NRG3: variants seen among roughly 807,000 people sequenced by gnomAD.
The protein encoded by NRG3 is pro-neuregulin-3, membrane-bound isoform.
A neutral mutation model predicts 66.9 loss-of-function variants in NRG3; 31 were observed. The observed-to-expected ratio is 0.46, with a 90% CI of 0.35 to 0.63. The LOEUF is 0.63. Among genes scored for constraint, NRG3 ranks in the 20% least tolerant of loss-of-function variants. The pLI is 0.00. For missense variants in NRG3, 910 were observed against 878.9 expected (o/e 1.04, Z -0.45); for synonymous variants, 393 against 359.4 (o/e 1.09, Z -1.06).
intron 1 of NRG3, among the ~76,000 whole-genome samples, chr10:82,117,090 A>G (rs528587741): frequency 3.9e-5 from 6 of 152,024 alleles, no homozygotes; most frequent in Non-Finnish European, 7.4e-5. Flanking sequence ...TCCACCTTAG[A>G]TGGCCGATAG....
chr10:82,064,585 A>G (rs1447027343), intron 1 of NRG3, among the ~76,000 whole-genome samples: 2 of 152,182 alleles, frequency 1.3e-5, no homozygotes, highest in African/African-American at 4.8e-5. Context: ...TGATGGATAA[A>G]TGTAAAGCTA....
intron 1 of NRG3, among the ~76,000 whole-genome samples, chr10:82,000,229 A>G (rs952497960): frequency 1.3e-5 from 2 of 152,242 alleles, no homozygotes; most frequent in Non-Finnish European, 2.9e-5. Context: ...ATAGAAAAAG[A>G]TTGTATATAC....
At chr10:81,893,960 G>A (rs1043219753) in intron 1 of NRG3, among the ~76,000 whole-genome samples, 3 of 152,160 alleles carry the variant, frequency 2.0e-5, no homozygotes, top group African/African-American at 4.8e-5. Context: ...GTCACATGGA[G>A]TCCCCAGGTA....
intron 3 of NRG3, among the ~76,000 whole-genome samples, chr10:82,820,246 G>T (rs1048611073): frequency 6.6e-6 from 1 of 152,162 alleles, no homozygotes; most frequent in African/African-American, 2.4e-5. Context: ...TTAACACTTA[G>T]CTGTCCCATC....
intron 2 of NRG3, among the ~76,000 whole-genome samples, chr10:82,534,023 C>CAATAG (rs1847567252): frequency 6.6e-6 from 1 of 151,996 alleles, no homozygotes; most frequent in African/African-American, 2.4e-5. Flanking sequence ...AAACCATTTA[C>CAATAG]AATAGCACAA....
chr10:82,233,685 C>G (rs976484172), intron 1 of NRG3, among the ~76,000 whole-genome samples: 2 of 152,112 alleles, frequency 1.3e-5, no homozygotes, highest in African/African-American at 4.8e-5. Flanking sequence ...CTCCTCCCCA[C>G]TCTTGCTTCT....
At chr10:82,781,370 A>G (rs1434996402) in intron 3 of NRG3, among the ~76,000 whole-genome samples, 1 of 152,168 alleles carries the variant, frequency 6.6e-6, no homozygotes, top group East Asian at 1.9e-4. Context: ...AGTAAAATCA[A>G]TACTTCTTAA....
intron 4 of NRG3, among the ~76,000 whole-genome samples, chr10:82,929,432 C>G (rs868826997): frequency 6.6e-6 from 1 of 152,128 alleles, no homozygotes; most frequent in Non-Finnish European, 1.5e-5. Context: ...TTTATCTTTC[C>G]GAGCAGAGGA....
At position 82,889,658 on chromosome 10, in the gene NRG3, C is replaced by T. The variant is rs188084653; in HGVS notation, c.1054+24221C>T. On this transcript the variant is annotated intron_variant, in intron 4 of 8. Coordinates refer to ENST00000372141, the MANE Select transcript of NRG3 (RefSeq NM_001010848.4). Reference sequence around the variant, plus strand: ...CAATTCTATAAGCTAACTTGTGCAGCCCTGCTTCCAGAAGAAACAAAGAAA... The same window carrying T: ...CAATTCTATAAGCTAACTTGTGCAGTCCTGCTTCCAGAAGAAACAAAGAAA... Among the ~76,000 whole-genome samples, 506 of 152,274 alleles carry T rather than the reference C, an allele frequency of 3.3e-3. 5 individuals carry two copies. Among genetic ancestry groups the T allele is most frequent in the African/African-American group, 0.012 (485 of 41,550 alleles).
At chr10:82,204,717 G>C (rs2075031890) in intron 1 of NRG3, among the ~76,000 whole-genome samples, 1 of 152,160 alleles carries the variant, frequency 6.6e-6, no homozygotes, top group Non-Finnish European at 1.5e-5. Context: ...CTATATAAGA[G>C]ATGTCCTGTA....
At chr10:82,795,240 A>G (rs1008098167) in intron 3 of NRG3, among the ~76,000 whole-genome samples, 1 of 152,234 alleles carries the variant, frequency 6.6e-6, no homozygotes, top group African/African-American at 2.4e-5. Flanking sequence ...AAAGTTACAC[A>G]TGTAATGTAT....
intron 1 of NRG3, among the ~76,000 whole-genome samples, chr10:81,989,816 T>C (rs948486037): frequency 1.3e-5 from 2 of 151,908 alleles, no homozygotes; most frequent in African/African-American, 2.4e-5. Flanking sequence ...TTGAGAAAAA[T>C]GCGACTCTGG....
intron 2 of NRG3, among the ~76,000 whole-genome samples, chr10:82,422,545 C>A (rs1264504667): frequency 1.3e-5 from 2 of 151,988 alleles, no homozygotes; most frequent in Non-Finnish European, 2.9e-5. Context: ...TTATTATCAG[C>A]AATGCTTCTT....
In NRG3 at chr10:82,223,245, G is replaced by C. The variant is rs140183713; in HGVS notation, c.824-135494G>C. Among the ~76,000 whole-genome samples, 295 of 152,258 alleles carry C rather than the reference G, an allele frequency of 1.9e-3. 2 individuals carry two copies. The highest frequency in any genetic ancestry group is 6.6e-3 in the African/African-American group (276 of 41,556). On this transcript the variant is annotated intron_variant, in intron 1 of 8. Transcript: ENST00000372141. ...CCCCAGCAGCTGCAGCTGGAATGCC[G>C]GAGAGCCAACCAAGGGTCTAGAACA...
intron 2 of NRG3, among the ~76,000 whole-genome samples, chr10:82,584,514 A>C (rs1169611228): frequency 6.6e-6 from 1 of 152,208 alleles, no homozygotes; most frequent in African/African-American, 2.4e-5. Flanking sequence ...ATTAAGCCAC[A>C]AATTATTGGG....
chr10:82,705,870 C>T (rs572951821), intron 2 of NRG3, among the ~76,000 whole-genome samples: 22 of 152,206 alleles, frequency 1.4e-4, no homozygotes, highest in African/African-American at 1.9e-4. Context: ...TTATATGGAG[C>T]CTATGTCTAC....
At chr10:82,586,177 C>A (rs1367827076) in intron 2 of NRG3, among the ~76,000 whole-genome samples, 1 of 150,590 alleles carries the variant, frequency 6.6e-6, no homozygotes, top group Non-Finnish European at 1.5e-5. Flanking sequence ...CAGCATCATG[C>A]AATATGCCCA....
intron 1 of NRG3, chr10:82,232,940 T>G: frequency 3.0e-6 from 2 of 670,142 alleles, no homozygotes; most frequent in Non-Finnish European, 2.8e-6. Context: ...GAGTGTTCTC[T>G]AGTTGCCTGG....
At position 82,280,002 on chromosome 10, in the gene NRG3, C is replaced by A. The variant is rs901746263; in HGVS notation, c.824-78737C>A. ...AACTTAATTTGAAGGAGAGAAGTCT[C>A]CAGGCTGATTTAGTGGCTGTTCTAT... On this transcript the variant is annotated intron_variant, in intron 1 of 8. Coordinates refer to ENST00000372141, the MANE Select transcript of NRG3 (RefSeq NM_001010848.4). 3.9e-5 allele frequency among the ~76,000 whole-genome samples: 6 copies of A among 152,136 alleles called. No homozygotes were observed. In the East Asian group the frequency reaches 1.2e-3, roughly 29 times the overall value.
Sources: allele counts gnomAD v4.1 joint callset (sites outside exome capture counted in the v4.1 genomes callset), GRCh38; gene constraint gnomAD v4.1.1; transcripts MANE v1.5; gene names NCBI Gene and HGNC (gene_info 2026-07-23, HGNC 2026-07-21).